Variants in KLHL18 observed in about 807,000 individuals in gnomAD.
KLHL18 encodes the protein kelch like family member 18.
KLHL18 carries 38 observed loss-of-function variants against 58.5 expected under a neutral mutation model. The ratio of observed to expected loss-of-function variants is 0.65; its 90% CI spans 0.50 to 0.85. KLHL18 has a LOEUF of 0.85. Ranked by LOEUF, KLHL18 falls within the 40% of genes least tolerant of loss-of-function variation. The pLI is 0.00. For missense variants in KLHL18, 624 were observed against 778.4 expected, an observed-to-expected ratio of 0.80 and a Z score of 2.36; for synonymous variants, 303 against 301.9, an observed-to-expected ratio of 1.00 and a Z score of -0.04.
intron 3 of KLHL18, 128 bp from the exon 4 acceptor site, chr3:47,329,821 TAC>T: frequency 1.4e-6 from 1 of 720,822 alleles, no homozygotes. Context: ...CCCAGAGAAA[TAC>T]AGTTTCCAAC....
intron 2 of KLHL18, among the ~76,000 whole-genome samples, chr3:47,320,025 A>G (rs1576165614): frequency 6.6e-6 from 1 of 151,022 alleles, no homozygotes; most frequent in Non-Finnish European, 1.5e-5. Context: ...AATAGGACCT[A>G]GACTCCATGA....
At chr3:47,321,323 G>A (rs1007705238) in intron 2 of KLHL18, among the ~76,000 whole-genome samples, 1 of 141,662 alleles carries the variant, frequency 7.1e-6, no homozygotes, top group African/African-American at 2.6e-5. Context: ...GGCACCTGCC[G>A]TTTTTTTTTT....
At chr3:47,303,915 A>T (rs182466518) in intron 1 of KLHL18, among the ~76,000 whole-genome samples, 1 of 151,334 alleles carries the variant, frequency 6.6e-6, no homozygotes, top group East Asian at 1.9e-4. Flanking sequence ...TTTTACAGAG[A>T]TGAGCTCTAT....
chr3:47,286,968 G>A (rs967082331), intron 1 of KLHL18, among the ~76,000 whole-genome samples: 2 of 152,148 alleles, frequency 1.3e-5, no homozygotes, highest in Non-Finnish European at 2.9e-5. Context: ...GCAGTTGCTT[G>A]TCTGGGGAGG....
chr3:47,297,613 C>G (rs555568684), intron 1 of KLHL18: 1 of 456,682 alleles, frequency 2.2e-6, no homozygotes, highest in South Asian at 1.5e-5. Flanking sequence ...CACCTTTGAG[C>G]TCCCACTTTG....
intron 1 of KLHL18, among the ~76,000 whole-genome samples, chr3:47,313,198 C>T (rs919485139): frequency 2.0e-5 from 3 of 150,912 alleles, no homozygotes; most frequent in Non-Finnish European, 4.4e-5. Context: ...CGTGAGCCAC[C>T]GTGCCCGGCC....
At chr3:47,336,464 C>A in intron 6 of KLHL18, 71 bp from the exon 7 acceptor site, 3 of 1,308,576 alleles carry the variant, frequency 2.3e-6, no homozygotes, top group Non-Finnish European at 3.2e-6. Context: ...TCCATATAAT[C>A]AATGCCCAAT....
At chr3:47,333,735 G>C (rs1487070985) in intron 5 of KLHL18, among the ~76,000 whole-genome samples, 1 of 152,212 alleles carries the variant, frequency 6.6e-6, no homozygotes, top group East Asian at 1.9e-4. Context: ...TGGGCATGGA[G>C]GGCCTCTGCC....
chr3:47,288,634 A>G (rs1158390034), intron 1 of KLHL18, among the ~76,000 whole-genome samples: 1 of 152,194 alleles, frequency 6.6e-6, no homozygotes, highest in Non-Finnish European at 1.5e-5. Context: ...AAATATTTGA[A>G]ATTTAAATTC....
intron 7 of KLHL18, among the ~76,000 whole-genome samples, chr3:47,339,241 T>C (rs1261665025): frequency 6.6e-6 from 1 of 152,052 alleles, no homozygotes; most frequent in Non-Finnish European, 1.5e-5. Flanking sequence ...ACACCTGTAA[T>C]GCCAGCACTT....
rs753510504 is a variant in KLHL18, at chr3:47,322,637, A to G, written c.330A>G (p.Ser110=). ...NLAIDQQNVQ[S]LLMGASFLQL... Reference sequence around the variant, plus strand: ...CCATTGACCAGCAAAATGTCCAGTCATTGCTGATGGGGGCGAGCTTCCTGC... The same window carrying G: ...CCATTGACCAGCAAAATGTCCAGTCGTTGCTGATGGGGGCGAGCTTCCTGC... Residue 110 remains serine, a synonymous_variant, in exon 3 of 10, where the codon TCA becomes TCG. Transcript: ENST00000232766. 2 of 1,604,362 alleles carry G rather than the reference A, an allele frequency of 1.2e-6. No individual in the cohort carries two copies. The highest frequency in any genetic ancestry group is 1.1e-5 in the South Asian group (1 of 88,902).
chr3:47,341,180 C>A (rs1182592351), intron 8 of KLHL18, among the ~76,000 whole-genome samples: 1 of 152,224 alleles, frequency 6.6e-6, no homozygotes, highest in Non-Finnish European at 1.5e-5. Flanking sequence ...ATATACACAA[C>A]AGTCACCATC....
At chr3:47,321,185 G>A (rs950569183) in intron 2 of KLHL18, among the ~76,000 whole-genome samples, 1 of 151,872 alleles carries the variant, frequency 6.6e-6, no homozygotes, top group African/African-American at 2.4e-5. Flanking sequence ...TGGAGGGGGA[G>A]GCAATGGAGT....
intron 1 of KLHL18, among the ~76,000 whole-genome samples, chr3:47,313,103 G>A (rs1703342144): frequency 6.6e-6 from 1 of 151,242 alleles, no homozygotes; most frequent in South Asian, 2.1e-4. Flanking sequence ...TAGAGACAGC[G>A]TTTCACTGTG....
At chr3:47,288,610 A>T (rs968756867) in intron 1 of KLHL18, among the ~76,000 whole-genome samples, 137 of 152,334 alleles carry the variant, frequency 9.0e-4, no homozygotes, top group Non-Finnish European at 4.7e-4. Context: ...ACCTAGGCTT[A>T]ATTTCCTTTT....
In KLHL18 at chr3:47,334,833, C is replaced by T. The variant is rs1236130909; in HGVS notation, c.898+14C>T. On this transcript the variant is annotated intron_variant, in intron 6 of 9. Coordinates refer to ENST00000232766, the MANE Select transcript of KLHL18 (RefSeq NM_025010.5). The surrounding 1 kb of genome is among the most constrained non-coding windows in gnomAD (Gnocchi z 4.7). ...TCAACTCAGCAGGTACCTTGCGGCT[C>T]CCCTTTATAGACCCTCCTCTTGGAC... The T allele has an allele frequency of 6.2e-7, 1 of 1,604,040 alleles. No individual in the cohort carries two copies.
intron 1 of KLHL18, among the ~76,000 whole-genome samples, chr3:47,296,649 G>C (rs573086255): frequency 6.6e-6 from 1 of 152,320 alleles, no homozygotes; most frequent in South Asian, 2.1e-4. Flanking sequence ...TGCATGGAAA[G>C]GATGGTATTT....
At chr3:47,331,055 A>G (rs1376750495) in intron 4 of KLHL18, among the ~76,000 whole-genome samples, 24 of 151,906 alleles carry the variant, frequency 1.6e-4, no homozygotes, top group Admixed American at 1.4e-3. Context: ...TTTTTGAAAG[A>G]ATCTTGTTCT....
At chr3:47,336,396 TG>T in intron 6 of KLHL18, 138 bp from the exon 7 acceptor site, 2 of 712,580 alleles carry the variant, frequency 2.8e-6, no homozygotes, top group Non-Finnish European at 2.4e-6. Context: ...AATTTCTTAG[TG>T]GGCCCTTGTG....
Sources: gnomAD v4.1 joint callset for allele counts (sites outside exome capture counted in the v4.1 genomes callset) on GRCh38, gnomAD v4.1.1 for gene constraint, Gnocchi (gnomAD v3.1) non-coding constraint, MANE v1.5 for transcripts, NCBI Gene and HGNC (gene_info 2026-07-23, HGNC 2026-07-21) for gene names.